Variants in PLXDC1 observed in about 807,000 individuals in gnomAD.
PLXDC1 encodes plexin domain-containing protein 1.
PLXDC1 carries 39 observed loss-of-function variants against 61.3 expected under a neutral mutation model. That is an observed-to-expected ratio of 0.64 (90% confidence interval 0.49 to 0.83). The LOEUF is 0.83. PLXDC1 is among the 40% of genes least tolerant of loss of function. The probability of loss-of-function intolerance (pLI) is 0.00; values close to 1 mark genes in which losing one functional copy is unlikely to be tolerated. For synonymous variants in PLXDC1, 212 were observed against 254.5 expected, an observed-to-expected ratio of 0.83 and a Z score of 1.59; for missense variants, 596 against 666.5, an observed-to-expected ratio of 0.89 and a Z score of 1.17.
At chr17:39,093,352 G>A (rs532968616) in intron 7 of PLXDC1, among the ~76,000 whole-genome samples, 3 of 152,204 alleles carry the variant, frequency 2.0e-5, no homozygotes, top group African/African-American at 4.8e-5. Flanking sequence ...GGTTACAGGC[G>A]CGAGCCACTG....
At chr17:39,112,473 T>TC (rs1365636239) in intron 2 of PLXDC1, among the ~76,000 whole-genome samples, 3 of 149,820 alleles carry the variant, frequency 2.0e-5, no homozygotes, top group Admixed American at 2.0e-4. Context: ...TTTTTTTTTT[T>TC]TTGAGACGGA....
At chr17:39,142,792 C>T (rs1410428767) in intron 1 of PLXDC1, among the ~76,000 whole-genome samples, 1 of 152,180 alleles carries the variant, frequency 6.6e-6, no homozygotes, top group African/African-American at 2.4e-5. Context: ...CCTTGGCCTC[C>T]CAAAGTGGTG....
intron 2 of PLXDC1, among the ~76,000 whole-genome samples, chr17:39,128,117 A>ATATATATATGTG (rs1911393251): frequency 1.0e-5 from 1 of 96,426 alleles, no homozygotes; most frequent in Admixed American, 9.9e-5. Flanking sequence ...ATATATATGT[A>ATATATATATGTG]TATATATATG....
rs139998593 is a variant in PLXDC1 at position 39,075,109 on chromosome 17, G to A, written c.1187-2624C>T. Among the ~76,000 whole-genome samples, 109 of 152,176 alleles carry A rather than the reference G, an allele frequency of 7.2e-4. No individual in the cohort carries two copies. In the East Asian group the frequency reaches 0.02, roughly 28 times the overall value. On this transcript the variant is annotated intron_variant, in intron 11 of 13. Coordinates refer to ENST00000315392, the MANE Select transcript of PLXDC1 (RefSeq NM_020405.5). ...TGAGTAGCTGGGATTACACATGTGC[G>A]CCACCACGCCCAGCTAATTTTTGAT...
At chr17:39,104,186 A>G (rs575760423) in intron 7 of PLXDC1, among the ~76,000 whole-genome samples, 6 of 152,346 alleles carry the variant, frequency 3.9e-5, no homozygotes, top group African/African-American at 1.4e-4. Context: ...CACTTTACAT[A>G]CACTATCGCC....
At chr17:39,109,158 G>A (rs1326454485) in intron 3 of PLXDC1, 90 bp downstream of exon 3, 10 of 1,499,882 alleles carry the variant, frequency 6.7e-6, no homozygotes, top group South Asian at 6.4e-5. Flanking sequence ...CACAGACCTC[G>A]GGCCACAGCC....
rs151291900 is a variant in PLXDC1 at position 39,083,971 on chromosome 17, G to A, written c.908-431C>T. Reference sequence around the variant, plus strand: ...GGTCAGGCCCTAAACTGGGTGCTGGGGATTCAGCAGTGAGACCTAGTCCCT... The same window carrying A: ...GGTCAGGCCCTAAACTGGGTGCTGGAGATTCAGCAGTGAGACCTAGTCCCT... On this transcript the variant is annotated intron_variant, in intron 8 of 13. Coordinates refer to ENST00000315392, the MANE Select transcript of PLXDC1 (RefSeq NM_020405.5). 7.8e-3 allele frequency among the ~76,000 whole-genome samples: 1,186 copies of A among 152,184 alleles called. 9 individuals carry two copies. Among genetic ancestry groups the A allele is most frequent in the Non-Finnish European group, 1.0e-2 (680 of 68,006 alleles).
chr17:39,110,127 AAAG>A (rs57404512), intron 2 of PLXDC1, among the ~76,000 whole-genome samples: 41,390 of 151,824 alleles, frequency 0.27, 5,772 homozygotes, highest in African/African-American at 0.31. Context: ...CTCTGTCTCA[AAAG>A]AAGGAGAAAA....
intron 2 of PLXDC1, among the ~76,000 whole-genome samples, chr17:39,135,328 T>A (rs1397423516): frequency 6.6e-6 from 1 of 152,214 alleles, no homozygotes; most frequent in African/African-American, 2.4e-5. Context: ...GGAAGCCTCA[T>A]GTTCTGACAA....
chr17:39,113,749 G>C (rs947804466), intron 2 of PLXDC1, among the ~76,000 whole-genome samples: 3 of 152,038 alleles, frequency 2.0e-5, no homozygotes, highest in African/African-American at 7.2e-5. Flanking sequence ...AACTCAGGAG[G>C]CTGAGGCAGG....
At chr17:39,107,318 C>T in intron 6 of PLXDC1, 89 bp downstream of exon 6, 1 of 781,468 alleles carries the variant, frequency 1.3e-6, no homozygotes, top group South Asian at 1.7e-5. Context: ...CAGCAAGCCC[C>T]ATGCCTGGCA....
chr17:39,150,316 A>G (rs2045364885), intron 1 of PLXDC1, among the ~76,000 whole-genome samples: 1 of 152,128 alleles, frequency 6.6e-6, no homozygotes. Flanking sequence ...TGGGACCATT[A>G]AAGTCAAGAA....
intron 11 of PLXDC1, among the ~76,000 whole-genome samples, chr17:39,072,749 GTTC>G (rs1296927291): frequency 2.0e-5 from 3 of 152,128 alleles, no homozygotes; most frequent in Non-Finnish European, 4.4e-5. Context: ...GGCCATGCAC[GTTC>G]TTCTGTGGGG....
At chr17:39,127,413 C>T (rs1911343557) in intron 2 of PLXDC1, among the ~76,000 whole-genome samples, 1 of 152,094 alleles carries the variant, frequency 6.6e-6, no homozygotes, top group Non-Finnish European at 1.5e-5. Flanking sequence ...TTATGCTTCC[C>T]ACTCCCACTG....
At chr17:39,122,197 G>C (rs1373792289) in intron 2 of PLXDC1, among the ~76,000 whole-genome samples, 1 of 151,048 alleles carries the variant, frequency 6.6e-6, no homozygotes, top group Non-Finnish European at 1.5e-5. Flanking sequence ...GAAGTCAGGA[G>C]TTTGAGACCA....
At chr17:39,131,241 A>G (rs1477751671) in intron 2 of PLXDC1, among the ~76,000 whole-genome samples, 1 of 152,212 alleles carries the variant, frequency 6.6e-6, no homozygotes, top group African/African-American at 2.4e-5. Flanking sequence ...GTCAGGACCA[A>G]GATCGAGGGC....
At chr17:39,101,730 C>T (rs1910426723) in intron 7 of PLXDC1, among the ~76,000 whole-genome samples, 1 of 152,096 alleles carries the variant, frequency 6.6e-6, no homozygotes, top group Non-Finnish European at 1.5e-5. Flanking sequence ...CTGAATTAGT[C>T]CCAAGTAGAA....
chr17:39,098,203 CTCA>C (rs1567760096), intron 7 of PLXDC1, among the ~76,000 whole-genome samples: 1 of 46,870 alleles, frequency 2.1e-5, no homozygotes, highest in East Asian at 5.7e-4. Context: ...GAAACTCCAT[CTCA>C]AAAAAAAAAA....
At position 39,151,538 on chromosome 17, in the gene PLXDC1, G is replaced by T; in HGVS notation, c.-101C>A. 7 of 1,216,528 alleles carry T rather than the reference G, an allele frequency of 5.8e-6. No individual in the cohort carries two copies. The highest frequency in any genetic ancestry group is 7.2e-6 in the Non-Finnish European group (7 of 978,200). The allele number at this position is 1,216,528 out of a possible 1,614,324, so 75.4% of individuals were successfully genotyped here. A position where few individuals can be genotyped will look rare whatever the true frequency, so the allele number is the denominator to read the frequency against. Reference sequence around the variant, plus strand: ...CGGCCGCGCGGTCCCCGGGGCTGGCGGAGGGGCGGGCGGCGAGGAGACGGC... The same window carrying T: ...CGGCCGCGCGGTCCCCGGGGCTGGCTGAGGGGCGGGCGGCGAGGAGACGGC... On this transcript the variant is annotated 5_prime_UTR_variant, in exon 1 of 14. Coordinates refer to ENST00000315392, the MANE Select transcript of PLXDC1 (RefSeq NM_020405.5). The surrounding 1 kb of genome is among the most constrained non-coding windows in gnomAD (Gnocchi z 5.2).
Sources: allele counts gnomAD v4.1 joint callset (sites outside exome capture counted in the v4.1 genomes callset), GRCh38; gene constraint gnomAD v4.1.1; non-coding constraint Gnocchi (gnomAD v3.1); transcripts MANE v1.5; gene names NCBI Gene and HGNC (gene_info 2026-07-23, HGNC 2026-07-21).